Variants in MEGF11 observed in about 807,000 individuals in gnomAD.
MEGF11 encodes multiple epidermal growth factor-like domains protein 11.
MEGF11 carries 126 observed loss-of-function variants against 146.6 expected under a neutral mutation model. That is an observed-to-expected ratio of 0.86 (90% CI 0.74 to 1.00). MEGF11 has a LOEUF of 1.00. MEGF11 is among the 50% of genes least tolerant of loss of function. The pLI, the probability that MEGF11 is intolerant of heterozygous loss-of-function variation, is 0.00. For synonymous variants in MEGF11, 532 were observed against 583.4 expected (o/e 0.91, Z 1.27); for missense variants, 1,509 against 1,521.2 (o/e 0.99, Z 0.13).
chr15:66,048,784 C>G (rs1202543240), intron 5 of MEGF11, among the ~76,000 whole-genome samples: 1 of 152,174 alleles, frequency 6.6e-6, no homozygotes, highest in Non-Finnish European at 1.5e-5. Flanking sequence ...TTGTTAAGTT[C>G]TAGGCAGCAG....
intron 5 of MEGF11, among the ~76,000 whole-genome samples, chr15:66,055,466 C>T (rs960457703): frequency 6.6e-6 from 1 of 152,228 alleles, no homozygotes; most frequent in Non-Finnish European, 1.5e-5. Flanking sequence ...TGATCCACAA[C>T]ATAATTGCAC....
intron 5 of MEGF11, among the ~76,000 whole-genome samples, chr15:66,010,589 A>G (rs538516928): frequency 6.6e-6 from 1 of 152,230 alleles, no homozygotes; most frequent in Admixed American, 6.5e-5. Context: ...CAGGTTGGAC[A>G]GCTCTATTGA....
chr15:66,046,971 C>G (rs1406834589), intron 5 of MEGF11, among the ~76,000 whole-genome samples: 1 of 152,174 alleles, frequency 6.6e-6, no homozygotes, highest in Non-Finnish European at 1.5e-5. Context: ...ACTGCTCTTT[C>G]AGGAAGTGAT....
chr15:66,087,334 A>C (rs959965824), intron 5 of MEGF11, among the ~76,000 whole-genome samples: 1 of 152,244 alleles, frequency 6.6e-6, no homozygotes, highest in African/African-American at 2.4e-5. Flanking sequence ...CTTAACAGGT[A>C]TATACAGAAC....
At chr15:65,971,781 C>A (rs911927811) in intron 7 of MEGF11, among the ~76,000 whole-genome samples, 2 of 152,108 alleles carry the variant, frequency 1.3e-5, no homozygotes, top group Non-Finnish European at 2.9e-5. Context: ...GGCCAAGGAT[C>A]ACCAGATATT....
intron 10 of MEGF11, among the ~76,000 whole-genome samples, chr15:65,944,667 C>T (rs2080125274): frequency 6.6e-6 from 1 of 152,114 alleles, no homozygotes; most frequent in South Asian, 2.1e-4. Context: ...GGTGCCTGGG[C>T]CCTTCCTCTC....
At chr15:66,105,827 G>A (rs1671422285) in intron 4 of MEGF11, among the ~76,000 whole-genome samples, 1 of 152,198 alleles carries the variant, frequency 6.6e-6, no homozygotes, top group Admixed American at 6.5e-5. Flanking sequence ...TTTGGTGGAT[G>A]AAGCCCTGTG....
chr15:66,143,783 C>T (rs2089263345), intron 1 of MEGF11, among the ~76,000 whole-genome samples: 1 of 152,178 alleles, frequency 6.6e-6, no homozygotes, highest in South Asian at 2.1e-4. Context: ...TTGGCAGAGA[C>T]CATTCCTTAC....
chr15:66,030,413 C>A (rs1020273426), intron 5 of MEGF11, among the ~76,000 whole-genome samples: 2 of 152,100 alleles, frequency 1.3e-5, no homozygotes, highest in Non-Finnish European at 2.9e-5. Context: ...AGTCCTCAAC[C>A]TTTTTATTCT....
At position 66,185,562 on chromosome 15, in the gene MEGF11, A is replaced by C. The variant is rs570269254; in HGVS notation, c.-8-57151T>G. Among the ~76,000 whole-genome samples, 90 of 152,314 alleles carry C rather than the reference A, an allele frequency of 5.9e-4. No homozygotes were observed. In the South Asian group the frequency reaches 0.017, roughly 29 times the overall value. On this transcript the variant is annotated intron_variant, in intron 1 of 25. Coordinates refer to ENST00000395614, the MANE Select transcript of MEGF11 (RefSeq NM_001385028.1). ...ACAAAAATCCCCTCCAGTAGGGCACACGCACTGGCCTGAGCATGTGAGTCC... is the reference window on the plus strand; with the variant it reads ...ACAAAAATCCCCTCCAGTAGGGCACCCGCACTGGCCTGAGCATGTGAGTCC...
At chr15:65,932,511 G>T (rs532640891) in intron 10 of MEGF11, among the ~76,000 whole-genome samples, 1 of 152,198 alleles carries the variant, frequency 6.6e-6, no homozygotes, top group South Asian at 2.1e-4. Flanking sequence ...GGCCTTGAGG[G>T]GTGGGAGCAT....
At chr15:65,999,761 G>A (rs2082304884) in intron 5 of MEGF11, among the ~76,000 whole-genome samples, 2 of 152,236 alleles carry the variant, frequency 1.3e-5, no homozygotes, top group African/African-American at 2.4e-5. Context: ...TCAAGAAAAT[G>A]TGGAGATAAA....
chr15:66,064,829 TTG>T, intron 5 of MEGF11, among the ~76,000 whole-genome samples: 1 of 152,088 alleles, frequency 6.6e-6, no homozygotes, highest in South Asian at 2.1e-4. Context: ...ACTCCCGGCC[TTG>T]TGAGATGATT....
intron 4 of MEGF11, among the ~76,000 whole-genome samples, chr15:66,107,706 G>A (rs1486137422): frequency 6.6e-6 from 1 of 152,166 alleles, no homozygotes. Flanking sequence ...GGACCTGTCT[G>A]AAGCAGGCCA....
intron 10 of MEGF11, among the ~76,000 whole-genome samples, chr15:65,940,197 C>T (rs1203818095): frequency 6.6e-6 from 1 of 152,190 alleles, no homozygotes; most frequent in East Asian, 1.9e-4. Flanking sequence ...TGCTTCTGTT[C>T]ATCACCCCAG....
At chr15:66,154,770 G>C (rs770209517) in intron 1 of MEGF11, among the ~76,000 whole-genome samples, 2 of 152,150 alleles carry the variant, frequency 1.3e-5, no homozygotes, top group Non-Finnish European at 2.9e-5. Context: ...ACCCCTGTTG[G>C]GCCAGGAGGT....
chr15:65,970,784 A>G (rs553351052), intron 7 of MEGF11, 95 bp from the exon 8 acceptor site: 2 of 1,403,876 alleles, frequency 1.4e-6, no homozygotes, highest in South Asian at 2.8e-5. Flanking sequence ...GGGACCACCC[A>G]ACTTCCCAGA....
At chr15:66,234,444 A>C (rs538519946) in intron 1 of MEGF11, among the ~76,000 whole-genome samples, 11 of 152,376 alleles carry the variant, frequency 7.2e-5, no homozygotes, top group African/African-American at 2.6e-4. Flanking sequence ...ATTTGAGTCC[A>C]AGCCCACAGC....
Position 66,192,526 on chromosome 15 carries a change from AAAATAAAATC to A in MEGF11, c.-9+61069_-9+61078del, listed in dbSNP as rs1373439373. ...AAAATAAAATAAAATAAAATAAAAT[AAAATAAAATC>A]ATCATAATGAGCCTAGGATATAGGT... On this transcript the variant is annotated intron_variant, in intron 1 of 25. Transcript: ENST00000395614. 1.7e-4 allele frequency among the ~76,000 whole-genome samples: 22 copies of A among 129,936 alleles called. No homozygotes were observed. The East Asian group carries it at 2.7e-3, about 16-fold the overall frequency. The allele number at this position is 129,936 out of a possible 152,430, so 85.2% of individuals were successfully genotyped here. A position where few individuals can be genotyped will look rare whatever the true frequency, so the allele number is the denominator to read the frequency against.
Sources: gnomAD v4.1 joint callset for allele counts (sites outside exome capture counted in the v4.1 genomes callset) on GRCh38, gnomAD v4.1.1 for gene constraint, MANE v1.5 for transcripts, NCBI Gene and HGNC (gene_info 2026-07-23, HGNC 2026-07-21) for gene names.